Variants in SPOCK3 observed in about 807,000 individuals in gnomAD.
The protein encoded by SPOCK3 is testican-3.
A neutral mutation model predicts 56.6 loss-of-function variants in SPOCK3; 30 were observed. That is an observed-to-expected ratio of 0.53 (90% CI 0.40 to 0.72). The LOEUF is 0.72. Ranked by LOEUF, SPOCK3 falls within the 30% of genes least tolerant of loss-of-function variation. The pLI, the probability that SPOCK3 is intolerant of heterozygous loss-of-function variation, is 0.00. For synonymous variants in SPOCK3, 196 were observed against 183.3 expected (o/e 1.07, Z -0.56); for missense variants, 527 against 530.0 (o/e 0.99, Z 0.06).
At chr4:166,903,320 C>A (rs1736261214) in intron 5 of SPOCK3, among the ~76,000 whole-genome samples, 1 of 151,590 alleles carries the variant, frequency 6.6e-6, no homozygotes, top group African/African-American at 2.4e-5. Context: ...ATATGAAATC[C>A]CTTAAATGTT....
At chr4:167,138,044 TAATAGTATTTCAAATTTATA>T (rs775941730) in intron 2 of SPOCK3, among the ~76,000 whole-genome samples, 5 of 151,828 alleles carry the variant, frequency 3.3e-5, no homozygotes, top group Non-Finnish European at 7.4e-5. Flanking sequence ...GTTTTGACTC[TAATAGTATTTCAAATTTATA>T]TTTTCTTTAA....
chr4:166,923,144 T>C (rs1738689072), intron 4 of SPOCK3, among the ~76,000 whole-genome samples: 1 of 152,220 alleles, frequency 6.6e-6, no homozygotes, highest in Non-Finnish European at 1.5e-5. Flanking sequence ...TGGTAGCTAT[T>C]GACATTTCTT....
At chr4:167,096,067 T>C (rs1467159799) in intron 2 of SPOCK3, among the ~76,000 whole-genome samples, 2 of 151,916 alleles carry the variant, frequency 1.3e-5, no homozygotes, top group African/African-American at 4.8e-5. Context: ...CTATTGGCTT[T>C]CTATGTGCAA....
intron 2 of SPOCK3, among the ~76,000 whole-genome samples, chr4:167,143,735 A>C (rs2150403225): frequency 6.6e-6 from 1 of 152,144 alleles, no homozygotes; most frequent in African/African-American, 2.4e-5. Flanking sequence ...GAAAACCCTG[A>C]GTTCAGGCAC....
intron 2 of SPOCK3, among the ~76,000 whole-genome samples, chr4:167,205,575 A>G (rs1193081443): frequency 5.8e-5 from 5 of 86,206 alleles, no homozygotes; most frequent in African/African-American, 2.3e-4. Flanking sequence ...TTATATATAT[A>G]ATATAATATA....
At chr4:166,976,423 C>T (rs182516963) in intron 4 of SPOCK3, among the ~76,000 whole-genome samples, 6 of 152,168 alleles carry the variant, frequency 3.9e-5, no homozygotes, top group Admixed American at 3.3e-4. Flanking sequence ...CAGTATAGCC[C>T]AAGAGTTTAG....
rs548112638 is a variant in SPOCK3, at chr4:167,016,202, T to C, written c.236-15739A>G. ...ACACAAATGGCTAAGCAGTTAAGTC[T>C]GTAAGTAGTTTTTGATATTAAATAT... is the stretch of plus-strand genomic sequence containing the variant. On this transcript the variant is annotated intron_variant, in intron 3 of 10. Coordinates refer to ENST00000357545, the MANE Select transcript of SPOCK3 (RefSeq NM_001040159.2). Among the ~76,000 whole-genome samples, 36 of 152,236 alleles carry C rather than the reference T, an allele frequency of 2.4e-4. 1 individual carries two copies. In the South Asian group the frequency reaches 7.3e-3, roughly 31 times the overall value.
At chr4:167,079,271 TAATG>T (rs2150285723) in intron 2 of SPOCK3, among the ~76,000 whole-genome samples, 1 of 152,158 alleles carries the variant, frequency 6.6e-6, no homozygotes, top group African/African-American at 2.4e-5. Flanking sequence ...TCAAAACTAT[TAATG>T]ACTTTTCAAA....
At chr4:167,117,802 G>T (rs1280524877) in intron 2 of SPOCK3, among the ~76,000 whole-genome samples, 1 of 152,170 alleles carries the variant, frequency 6.6e-6, no homozygotes, top group African/African-American at 2.4e-5. Flanking sequence ...TCCAGGGAAA[G>T]ACCTAGTCTC....
intron 6 of SPOCK3, among the ~76,000 whole-genome samples, chr4:166,827,061 C>T (rs189300374): frequency 2.6e-5 from 4 of 152,098 alleles, no homozygotes; most frequent in Non-Finnish European, 5.9e-5. Context: ...AAAGGAAGTA[C>T]AGACTCTGTC....
At chr4:166,780,186 A>C (rs1470127050) in intron 7 of SPOCK3, among the ~76,000 whole-genome samples, 2 of 152,174 alleles carry the variant, frequency 1.3e-5, no homozygotes, top group African/African-American at 4.8e-5. Context: ...GAATCTAAAA[A>C]AAGACATGTG....
chr4:166,805,475 AGTCAT>A (rs774608686), intron 6 of SPOCK3, among the ~76,000 whole-genome samples: 65 of 152,198 alleles, frequency 4.3e-4, no homozygotes, highest in Non-Finnish European at 7.6e-4. Flanking sequence ...GATTAGGTAA[AGTCAT>A]GCAGATCCAT....
intron 2 of SPOCK3, among the ~76,000 whole-genome samples, chr4:167,129,154 C>T (rs1281043134): frequency 6.6e-6 from 1 of 152,210 alleles, no homozygotes; most frequent in Non-Finnish European, 1.5e-5. Flanking sequence ...ATCAGCATCA[C>T]CCACAAAGAC....
At chr4:166,851,467 A>G (rs1354756909) in intron 6 of SPOCK3, among the ~76,000 whole-genome samples, 1 of 152,254 alleles carries the variant, frequency 6.6e-6, no homozygotes, top group Non-Finnish European at 1.5e-5. Context: ...AGCTGGACGG[A>G]GAATGACTTT....
intron 2 of SPOCK3, among the ~76,000 whole-genome samples, chr4:167,116,413 G>GTATATA (rs201984574): frequency 2.1e-5 from 3 of 140,646 alleles, no homozygotes; most frequent in Non-Finnish European, 3.1e-5. Context: ...ATACACAAAA[G>GTATATA]TATATATATA....
At chr4:166,850,676 T>A (rs1454454063) in intron 6 of SPOCK3, among the ~76,000 whole-genome samples, 1 of 152,072 alleles carries the variant, frequency 6.6e-6, no homozygotes, top group Non-Finnish European at 1.5e-5. Context: ...GGTCAGGGAG[T>A]TCCCTTTCGT....
intron 8 of SPOCK3, among the ~76,000 whole-genome samples, chr4:166,742,782 C>T (rs72695593): frequency 0.043 from 6,539 of 152,158 alleles, 200 homozygotes; most frequent in Non-Finnish European, 0.055. Context: ...TCAAACTCAA[C>T]CACTTGAAGG....
chr4:167,125,282 T>C (rs1450498960), intron 2 of SPOCK3, among the ~76,000 whole-genome samples: 1 of 149,512 alleles, frequency 6.7e-6, no homozygotes, highest in African/African-American at 2.4e-5. Flanking sequence ...TCACTCTTGG[T>C]AGAATCTAGA....
intron 2 of SPOCK3, among the ~76,000 whole-genome samples, chr4:167,128,415 A>C (rs1040667591): frequency 1.3e-5 from 2 of 152,116 alleles, no homozygotes; most frequent in Non-Finnish European, 2.9e-5. Context: ...TGGGTACACC[A>C]CCATTTATTA....
Sources: allele counts gnomAD v4.1 joint callset (sites outside exome capture counted in the v4.1 genomes callset), GRCh38; gene constraint gnomAD v4.1.1; transcripts MANE v1.5; gene names NCBI Gene and HGNC (gene_info 2026-07-23, HGNC 2026-07-21).